Variants in PWP1 observed in about 807,000 individuals in gnomAD.
PWP1 encodes the protein PWP1 homolog, endonuclein, also known as periodic tryptophan protein 1 homolog.
In PWP1, 47 loss-of-function variants were observed where a neutral mutation model predicts 69.9. That is an observed-to-expected ratio of 0.67 (90% CI 0.53 to 0.86). The LOEUF (loss-of-function observed/expected upper bound fraction) is 0.86. PWP1 is among the 40% of genes least tolerant of loss of function. The pLI, the probability that PWP1 is intolerant of heterozygous loss-of-function variation, is 0.00. For missense variants in PWP1, 551 were observed against 608.8 expected, an observed-to-expected ratio of 0.91 and a Z score of 1.00; for synonymous variants, 222 against 208.2, an observed-to-expected ratio of 1.07 and a Z score of -0.57.
At chr12:107,693,411 G>A (rs11113443) in intron 5 of PWP1, among the ~76,000 whole-genome samples, 11 of 151,958 alleles carry the variant, frequency 7.2e-5, no homozygotes, top group Admixed American at 2.0e-4. Context: ...CTGGGCTGAC[G>A]TAATCCTGAT....
At position 107,685,834 on chromosome 12, in the gene PWP1, A is replaced by C; in HGVS notation, c.-66A>C. 1 of 1,541,826 alleles carries C rather than the reference A, an allele frequency of 6.5e-7. No individual in the cohort carries two copies. Among genetic ancestry groups the C allele is most frequent in the Non-Finnish European group, 9.0e-7 (1 of 1,116,454 alleles). ...TGCAGATCCCTGAGCGTGTGGCAGC[A>C]GTGCGGTCGTGGTCCCTCCCTATGC... On this transcript the variant is annotated 5_prime_UTR_variant, in exon 1 of 15. Transcript: ENST00000412830.
intron 1 of PWP1, among the ~76,000 whole-genome samples, chr12:107,687,688 C>T (rs1889396306): frequency 6.6e-6 from 1 of 152,046 alleles, no homozygotes; most frequent in Non-Finnish European, 1.5e-5. Context: ...ATCGCATGAG[C>T]CCAGGAGTTC....
At chr12:107,688,401 G>A in intron 1 of PWP1, 47 bp from the exon 2 acceptor site, 2 of 1,515,636 alleles carry the variant, frequency 1.3e-6, no homozygotes, top group South Asian at 2.4e-5. Flanking sequence ...CAAATAATTT[G>A]ATGATTTCCT....
chr12:107,704,002 A>G (rs867202676), intron 10 of PWP1, among the ~76,000 whole-genome samples: 9 of 152,350 alleles, frequency 5.9e-5, no homozygotes, highest in South Asian at 4.1e-4. Context: ...TATGGGAAGA[A>G]TTTCCATGTC....
At chr12:107,705,850 T>C (rs905108327) in intron 11 of PWP1, among the ~76,000 whole-genome samples, 6 of 102,928 alleles carry the variant, frequency 5.8e-5, no homozygotes, top group Non-Finnish European at 1.4e-4. Flanking sequence ...TATGTGCACA[T>C]ATGCACATAC....
At position 107,708,950 on chromosome 12, in the gene PWP1, T is replaced by A; in HGVS notation, c.1102T>A (p.Tyr368Asn). The A allele has an allele frequency of 1.2e-6, 2 of 1,613,752 alleles. No homozygotes were observed. The highest frequency in any genetic ancestry group is 8.5e-7 in the Non-Finnish European group (1 of 1,179,890). Residue 368 changes from tyrosine to asparagine, a missense_variant, in exon 12 of 15, where the codon TAT becomes AAT. Physicochemically the swap from Tyr to Asn is moderately radical, Grantham distance 143. Coordinates refer to ENST00000412830, the MANE Select transcript of PWP1 (RefSeq NM_007062.3). Reference protein sequence around the residue: ...FLASTDDGFVYNLDARSDKPI... With the variant: ...FLASTDDGFVNNLDARSDKPI... ...GGCCAGTACAGATGACGGCTTTGTA[T>A]ATAATTTGGATGCACGTTCAGATAA...
At chr12:107,689,168 C>A (rs989128422) in intron 3 of PWP1, among the ~76,000 whole-genome samples, 6 of 152,158 alleles carry the variant, frequency 3.9e-5, no homozygotes, top group Non-Finnish European at 7.3e-5. Flanking sequence ...AGTAGTCCCC[C>A]CTTATCCACG....
intron 3 of PWP1, 50 bp downstream of exon 3, chr12:107,688,852 G>C (rs755232176): frequency 6.5e-6 from 10 of 1,539,148 alleles, no homozygotes; most frequent in Non-Finnish European, 8.9e-6. Flanking sequence ...CAATATGTTG[G>C]ATCATGTTTG....
chr12:107,697,648 C>T (rs776255624), intron 7 of PWP1, 51 bp downstream of exon 7: 25 of 1,539,746 alleles, frequency 1.6e-5, no homozygotes, highest in Admixed American at 3.4e-5. Flanking sequence ...TAAGTTTACT[C>T]GGGAGTAGGG....
intron 5 of PWP1, among the ~76,000 whole-genome samples, chr12:107,694,380 A>T (rs1221923663): frequency 6.6e-6 from 1 of 152,230 alleles, no homozygotes; most frequent in African/African-American, 2.4e-5. Context: ...CAGCTTGAAA[A>T]AATAAAACCC....
At chr12:107,690,172 A>G (rs779451882) in intron 3 of PWP1, among the ~76,000 whole-genome samples, 3 of 152,210 alleles carry the variant, frequency 2.0e-5, no homozygotes, top group Non-Finnish European at 4.4e-5. Flanking sequence ...TGTTATCTGC[A>G]ACAAAGTAAA....
At chr12:107,709,979 A>G (rs1277709263) in intron 13 of PWP1, among the ~76,000 whole-genome samples, 2 of 152,220 alleles carry the variant, frequency 1.3e-5, no homozygotes, top group African/African-American at 2.4e-5. Context: ...CATATTTTCT[A>G]TAACAAATAT....
At position 107,698,970 on chromosome 12, in the gene PWP1, A is replaced by C. The variant is rs147405132; in HGVS notation, c.745-403A>C. ...TTTATTCTTCAAAAGTTTATATAATATCAAAACAATAGGTCGGGTGCAGTA... is the reference window on the plus strand; with the variant it reads ...TTTATTCTTCAAAAGTTTATATAATCTCAAAACAATAGGTCGGGTGCAGTA... On this transcript the variant is annotated intron_variant, in intron 7 of 14. Coordinates refer to ENST00000412830, the MANE Select transcript of PWP1 (RefSeq NM_007062.3). Among the ~76,000 whole-genome samples, 9 of 152,328 alleles carry C rather than the reference A, an allele frequency of 5.9e-5. No individual in the cohort carries two copies. In the East Asian group the frequency reaches 1.7e-3, roughly 29 times the overall value.
intron 3 of PWP1, among the ~76,000 whole-genome samples, chr12:107,689,828 TC>T (rs1206172249): frequency 6.6e-6 from 1 of 152,138 alleles, no homozygotes; most frequent in African/African-American, 2.4e-5. Context: ...ATAGAAAGCC[TC>T]GTGGGGAATA....
At chr12:107,694,580 T>C (rs1415474483) in intron 5 of PWP1, among the ~76,000 whole-genome samples, 1 of 152,206 alleles carries the variant, frequency 6.6e-6, no homozygotes, top group Non-Finnish European at 1.5e-5. Context: ...AAATTATTCT[T>C]TCTAACTCTT....
intron 2 of PWP1, 43 bp downstream of exon 2, chr12:107,688,549 G>T: frequency 6.2e-7 from 1 of 1,610,654 alleles, no homozygotes. Flanking sequence ...AAATGATGAT[G>T]ACCATGTGGT....
chr12:107,702,973 T>G lies in PWP1; in HGVS notation c.845T>G (p.Ile282Ser). ...LASASADNTV[I>S]LWDMSLGKPA... ...AGTGCATCAGCTGACAACACTGTAA[T>G]TCTGTGGGATATGTCCTTGGGGAAA... The change falls in exon 9 of 15, where the codon ATT becomes AGT. Residue 282 changes from isoleucine to serine, a missense_variant. Ile to Ser is a moderately radical substitution (Grantham distance 142). Transcript: ENST00000412830. The G allele has an allele frequency of 6.2e-7, 1 of 1,612,214 alleles. No individual in the cohort carries two copies. Among genetic ancestry groups the G allele is most frequent in the Non-Finnish European group, 8.5e-7 (1 of 1,178,296 alleles).
chr12:107,703,138 C>A, intron 9 of PWP1, 107 bp downstream of exon 9: 1 of 813,630 alleles, frequency 1.2e-6, no homozygotes, highest in South Asian at 1.5e-5. Context: ...TTTTATCTGG[C>A]TTGCGGCATG....
intron 8 of PWP1, 103 bp downstream of exon 8, chr12:107,699,537 C>T: frequency 1.1e-6 from 1 of 932,924 alleles, no homozygotes; most frequent in Non-Finnish European, 1.6e-6. Context: ...ACCTTTGTGT[C>T]TATCTTCCTT....
Sources: gnomAD v4.1 joint callset for allele counts (sites outside exome capture counted in the v4.1 genomes callset) on GRCh38, gnomAD v4.1.1 for gene constraint, MANE v1.5 for transcripts, NCBI Gene and HGNC (gene_info 2026-07-23, HGNC 2026-07-21) for gene names.